The following ZFC3H1 variants were observed in gnomAD, a reference collection of about 807,000 sequenced individuals.
ZFC3H1 encodes the protein zinc finger C3H1 domain-containing protein.
A neutral mutation model predicts 243.7 loss-of-function variants in ZFC3H1; 71 were observed. The observed-to-expected ratio is 0.29, with a 90% CI of 0.24 to 0.36. The LOEUF is 0.36. Among genes scored for constraint, ZFC3H1 ranks in the 10% least tolerant of loss-of-function variants. ZFC3H1 has a pLI of 1.00. For synonymous variants in ZFC3H1, 838 were observed against 813.0 expected (o/e 1.03, Z -0.52); for missense variants, 1,966 against 2,317.1 (o/e 0.85, Z 3.11).
rs1881259586 is a variant in ZFC3H1 at position 71,663,696 on chromosome 12, G to A, written c.-86C>T. ...GCCTCGTTTCCCTTCTTTCCTAACG[G>A]ACTGGGTCGGTGCGGTCTTACCCTA... On this transcript the variant is annotated 5_prime_UTR_variant, in exon 1 of 35. Coordinates refer to ENST00000378743, the MANE Select transcript of ZFC3H1 (RefSeq NM_144982.5). The A allele has an allele frequency of 6.7e-7, 1 of 1,483,864 alleles. No individual in the cohort carries two copies. Among genetic ancestry groups the A allele is most frequent in the East Asian group, 2.3e-5 (1 of 44,180 alleles). 91.9% of individuals were successfully genotyped at this position (1,483,864 alleles called of 1,614,324 possible).
At chr12:71,658,653 A>G (rs1881086714) in intron 1 of ZFC3H1, among the ~76,000 whole-genome samples, 1 of 152,164 alleles carries the variant, frequency 6.6e-6, no homozygotes, top group African/African-American at 2.4e-5. Context: ...CTTCTGTTTA[A>G]ACACCTCACA....
At chr12:71,622,258 G>C (rs1880049365) in intron 24 of ZFC3H1, among the ~76,000 whole-genome samples, 1 of 151,992 alleles carries the variant, frequency 6.6e-6, no homozygotes, top group South Asian at 2.1e-4. Flanking sequence ...AGGCCCTTAG[G>C]AGTAAAATGA....
Position 71,656,910 on chromosome 12 carries a change from T to G in ZFC3H1, c.990A>C (p.Lys330Asn), listed in dbSNP as rs746532922. Residue 330 changes from lysine (K) to asparagine (N), a missense_variant, in exon 2 of 35, where the codon AAA becomes AAC. Physicochemically the swap from Lys to Asn is moderately conservative, Grantham distance 94. This residue lies in a region of ZFC3H1 where 484 missense variants were observed against 449.7 expected (regional missense o/e 1.08). Transcript: ENST00000378743. ...VKDGAKPLSL[K>N]SDTTDSSQGL... ...CTTGACTAGAATCAGTAGTGTCGGA[T>G]TTCAGGGAAAGTGGTTTTGCTCCAT... 1 of 1,612,648 alleles carries G rather than the reference T, an allele frequency of 6.2e-7. No homozygotes were observed. Among genetic ancestry groups the G allele is most frequent in the Admixed American group, 1.7e-5 (1 of 59,770 alleles).
At chr12:71,659,682 C>G (rs1409225217) in intron 1 of ZFC3H1, among the ~76,000 whole-genome samples, 2 of 152,154 alleles carry the variant, frequency 1.3e-5, no homozygotes, top group East Asian at 3.8e-4. Flanking sequence ...TGACTAATCT[C>G]CTTCAAGGCT....
intron 19 of ZFC3H1, 98 bp from the exon 20 acceptor site, chr12:71,629,135 C>A: frequency 9.7e-7 from 1 of 1,035,024 alleles, no homozygotes; most frequent in Non-Finnish European, 1.3e-6. Context: ...ACTACATTCA[C>A]TCCATCTTAG....
chr12:71,621,923 C>A (rs1880040461), intron 24 of ZFC3H1, among the ~76,000 whole-genome samples: 1 of 151,750 alleles, frequency 6.6e-6, no homozygotes, highest in Non-Finnish European at 1.5e-5. Context: ...GGTTGGTTTT[C>A]CTACCATTGG....
At chr12:71,660,901 C>T (rs1349964428) in intron 1 of ZFC3H1, among the ~76,000 whole-genome samples, 1 of 151,720 alleles carries the variant, frequency 6.6e-6, no homozygotes, top group Non-Finnish European at 1.5e-5. Flanking sequence ...TCTCTTGAAG[C>T]TACAAGTTCA....
chr12:71,635,421 C>T, intron 10 of ZFC3H1, 22 bp downstream of exon 10: 1 of 1,549,774 alleles, frequency 6.5e-7, no homozygotes, highest in Non-Finnish European at 8.6e-7. Flanking sequence ...TCTTTCTTTC[C>T]ACCTTTAATT....
intron 24 of ZFC3H1, 57 bp from the exon 25 acceptor site, chr12:71,620,372 G>C: frequency 1.3e-6 from 2 of 1,567,136 alleles, no homozygotes; most frequent in Non-Finnish European, 1.8e-6. Context: ...TGAAATATTT[G>C]ACTGTGTTAC....
At chr12:71,634,024 G>T in intron 12 of ZFC3H1, 131 bp downstream of exon 12, 1 of 919,242 alleles carries the variant, frequency 1.1e-6, no homozygotes, top group Non-Finnish European at 1.6e-6. Flanking sequence ...CAAAATGACA[G>T]ACTTCTACAT....
rs1485728061 is a variant in ZFC3H1 at position 71,638,401 on chromosome 12, A to G, written c.1725+17T>C. ...GACAAGACAAAATAATTTTCTTAGA[A>G]ATCAATTCTGACTTACAGAAACCTG... is the stretch of plus-strand genomic sequence containing the variant. On this transcript the variant is annotated intron_variant, in intron 7 of 34. Coordinates refer to ENST00000378743, the MANE Select transcript of ZFC3H1 (RefSeq NM_144982.5). 3 of 1,605,166 alleles carry G rather than the reference A, an allele frequency of 1.9e-6. No homozygotes were observed. The highest frequency in any genetic ancestry group is 1.7e-6 in the Non-Finnish European group (2 of 1,175,534).
intron 2 of ZFC3H1, among the ~76,000 whole-genome samples, chr12:71,653,390 T>G (rs1308823563): frequency 6.6e-6 from 1 of 152,042 alleles, no homozygotes; most frequent in Non-Finnish European, 1.5e-5. Flanking sequence ...TGAAGAGACA[T>G]GAAAGATAAA....
At position 71,611,464 on chromosome 12, in the gene ZFC3H1, A is replaced by G. The variant is rs2137510008; in HGVS notation, c.5729+322T>C. 1.7e-5 allele frequency: 3 copies of G among 171,966 alleles called. No homozygotes were observed. The Middle Eastern group carries it at 7.5e-3, about 432-fold the overall frequency. The allele number at this position is 171,966 out of a possible 1,614,324, so 10.7% of individuals were successfully genotyped here. A position where few individuals can be genotyped will look rare whatever the true frequency, so the allele number is the denominator to read the frequency against. On this transcript the variant is annotated intron_variant, in intron 32 of 34. Transcript: ENST00000378743. ...ATCAGACTACAACAGGTGACACACC[A>G]CCATTTCAAGAGGTGGTCTTAAAAT...
intron 10 of ZFC3H1, 102 bp downstream of exon 10, chr12:71,635,341 T>C (rs2137538456): frequency 2.9e-6 from 4 of 1,395,010 alleles, no homozygotes; most frequent in African/African-American, 1.5e-5. Context: ...AAATCAATGT[T>C]ATTAAAAATC....
intron 31 of ZFC3H1, 127 bp downstream of exon 31, chr12:71,613,208 A>T (rs1879814671): frequency 1.8e-6 from 1 of 562,234 alleles, no homozygotes; most frequent in Non-Finnish European, 2.8e-6. Flanking sequence ...CTCTGAAATT[A>T]AGCAGTATAT....
intron 20 of ZFC3H1, among the ~76,000 whole-genome samples, chr12:71,628,687 G>A (rs572735196): frequency 9.9e-5 from 15 of 152,270 alleles, no homozygotes; most frequent in Non-Finnish European, 2.1e-4. Flanking sequence ...TAACTAAGCA[G>A]TGCTCCTTGC....
chr12:71,662,254 A>T (rs1188816398), intron 1 of ZFC3H1, among the ~76,000 whole-genome samples: 1 of 152,212 alleles, frequency 6.6e-6, no homozygotes, highest in Non-Finnish European at 1.5e-5. Flanking sequence ...TTCCTTTCTC[A>T]ACTTACCCGT....
At chr12:71,618,082 C>A (rs946913216) in intron 27 of ZFC3H1, among the ~76,000 whole-genome samples, 5 of 151,872 alleles carry the variant, frequency 3.3e-5, no homozygotes, top group African/African-American at 1.2e-4. Flanking sequence ...CTGGGTAACA[C>A]GGTGAAACCT....
intron 9 of ZFC3H1, 112 bp downstream of exon 9, chr12:71,636,378 G>A (rs1386619199): frequency 2.4e-6 from 2 of 818,312 alleles, no homozygotes; most frequent in Admixed American, 3.3e-5. Flanking sequence ...ATTTATATGT[G>A]AATATATGTG....
Sources: gnomAD v4.1 joint callset for allele counts (sites outside exome capture counted in the v4.1 genomes callset) on GRCh38, gnomAD v4.1.1 for gene constraint, gnomAD v4.1.1 regional missense constraint, MANE v1.5 for transcripts, NCBI Gene and HGNC (gene_info 2026-07-23, HGNC 2026-07-21) for gene names.